The following CDK6 variants were observed in gnomAD, a reference collection of about 807,000 sequenced individuals.
CDK6 encodes the protein cyclin dependent kinase 6, also known as cyclin-dependent kinase 6.
In CDK6, 6 loss-of-function variants were observed where a neutral mutation model predicts 37.1. The ratio of observed to expected loss-of-function variants is 0.16; its 90% CI spans 0.09 to 0.32. The LOEUF (loss-of-function observed/expected upper bound fraction) is 0.32, where lower values mean the gene tolerates loss of function less well. CDK6 is among the 10% of genes least tolerant of loss of function. The pLI is 1.00. For missense variants in CDK6, 224 were observed against 418.9 expected, an observed-to-expected ratio of 0.53 and a Z score of 4.06; for synonymous variants, 160 against 161.3, an observed-to-expected ratio of 0.99 and a Z score of 0.06.
intron 3 of CDK6, among the ~76,000 whole-genome samples, chr7:92,762,243 G>A (rs1799473899): frequency 6.6e-6 from 1 of 151,924 alleles, no homozygotes; most frequent in South Asian, 2.1e-4. Flanking sequence ...CTTTCTTTTT[G>A]GTTTATTTAT....
intron 4 of CDK6, among the ~76,000 whole-genome samples, chr7:92,706,926 A>G (rs1028724613): frequency 2.0e-5 from 3 of 152,216 alleles, no homozygotes; most frequent in Non-Finnish European, 4.4e-5. Context: ...AACATTGTTT[A>G]AATAACTGAT....
intron 5 of CDK6, among the ~76,000 whole-genome samples, chr7:92,638,444 A>G (rs1171317706): frequency 6.6e-6 from 1 of 152,086 alleles, no homozygotes; most frequent in Non-Finnish European, 1.5e-5. Context: ...TTACCCACTC[A>G]TTTGGGAGTT....
At chr7:92,697,873 TA>T (rs1797756431) in intron 4 of CDK6, among the ~76,000 whole-genome samples, 1 of 152,240 alleles carries the variant, frequency 6.6e-6, no homozygotes, top group Non-Finnish European at 1.5e-5. Flanking sequence ...TTTCACATTT[TA>T]AATGGAATCT....
chr7:92,702,752 C>A (rs1276776017), intron 4 of CDK6, among the ~76,000 whole-genome samples: 1 of 152,132 alleles, frequency 6.6e-6, no homozygotes, highest in Non-Finnish European at 1.5e-5. Flanking sequence ...ACCTCTGAAT[C>A]CCAGGTAAGT....
chr7:92,744,036 A>AT (rs2115646612), intron 3 of CDK6, among the ~76,000 whole-genome samples: 1 of 152,222 alleles, frequency 6.6e-6, no homozygotes, highest in South Asian at 2.1e-4. Context: ...TAAAAAAAAA[A>AT]TTTATTGTCT....
At chr7:92,617,754 G>A (rs1795713121) in intron 7 of CDK6, among the ~76,000 whole-genome samples, 1 of 152,118 alleles carries the variant, frequency 6.6e-6, no homozygotes, top group South Asian at 2.1e-4. Flanking sequence ...TGTAAGAAAG[G>A]AAACATAATA....
chr7:92,794,896 G>GT (rs1800370243), intron 2 of CDK6, among the ~76,000 whole-genome samples: 1 of 152,028 alleles, frequency 6.6e-6, no homozygotes, highest in Non-Finnish European at 1.5e-5. Context: ...TGATAATAAA[G>GT]ATGTTGATTC....
At chr7:92,759,633 C>T (rs1298277523) in intron 3 of CDK6, among the ~76,000 whole-genome samples, 1 of 145,366 alleles carries the variant, frequency 6.9e-6, no homozygotes, top group African/African-American at 2.6e-5. Flanking sequence ...GTTATCCATA[C>T]TGGTCTATTT....
chr7:92,668,706 T>A (rs1389352645), intron 5 of CDK6, among the ~76,000 whole-genome samples: 1 of 152,168 alleles, frequency 6.6e-6, no homozygotes, highest in African/African-American at 2.4e-5. Context: ...CAATACTGAA[T>A]CAGGAGTCAA....
chr7:92,811,794 A>AC (rs1030657342), intron 2 of CDK6, among the ~76,000 whole-genome samples: 10 of 151,876 alleles, frequency 6.6e-5, no homozygotes, highest in Non-Finnish European at 1.2e-4. Flanking sequence ...TAACAAAACC[A>AC]CCCCCCTACA....
At chr7:92,756,475 G>A (rs897080762) in intron 3 of CDK6, among the ~76,000 whole-genome samples, 1 of 152,108 alleles carries the variant, frequency 6.6e-6, no homozygotes, top group East Asian at 1.9e-4. Context: ...GATGTGAATC[G>A]GCTTTACCCA....
intron 5 of CDK6, among the ~76,000 whole-genome samples, chr7:92,657,577 C>A (rs1796725090): frequency 6.6e-6 from 1 of 151,988 alleles, no homozygotes; most frequent in Non-Finnish European, 1.5e-5. Flanking sequence ...TTTTAACTGA[C>A]AAAATGAGGT....
At chr7:92,802,298 G>A (rs1360627064) in intron 2 of CDK6, among the ~76,000 whole-genome samples, 1 of 152,026 alleles carries the variant, frequency 6.6e-6, no homozygotes, top group African/African-American at 2.4e-5. Context: ...AAACTATCAA[G>A]TATTCTTCAA....
In CDK6 at chr7:92,605,723, T is replaced by C. The variant is rs1048407840; in HGVS notation, c.*9417A>G. ...TGTAATGGAGGGATGGTTGCTAGAGTGAGACAGCCCTTCCCCTCTTGCTAT... is the reference window on the plus strand; with the variant it reads ...TGTAATGGAGGGATGGTTGCTAGAGCGAGACAGCCCTTCCCCTCTTGCTAT... On this transcript the variant is annotated 3_prime_UTR_variant, in exon 8 of 8. Transcript: ENST00000424848. The C allele has an allele frequency of 1.7e-5, 4 of 233,062 alleles. No individual in the cohort carries two copies. Among genetic ancestry groups the C allele is most frequent in the Non-Finnish European group, 3.4e-5 (4 of 118,028 alleles). The allele number at this position is 233,062 out of a possible 1,614,324, so 14.4% of individuals were successfully genotyped here. A position where few individuals can be genotyped will look rare whatever the true frequency, so the allele number is the denominator to read the frequency against.
chr7:92,819,478 C>T (rs1470877746), intron 2 of CDK6, among the ~76,000 whole-genome samples: 1 of 151,798 alleles, frequency 6.6e-6, no homozygotes, highest in South Asian at 2.1e-4. Flanking sequence ...ATAAATTTGT[C>T]GAAACTCATA....
chr7:92,668,811 T>C (rs918706348), intron 5 of CDK6, among the ~76,000 whole-genome samples: 3 of 152,066 alleles, frequency 2.0e-5, no homozygotes, highest in Non-Finnish European at 4.4e-5. Flanking sequence ...TCATAGGAAA[T>C]ACCAAGGACA....
chr7:92,830,620 C>T (rs887358284), intron 2 of CDK6, among the ~76,000 whole-genome samples: 4 of 152,166 alleles, frequency 2.6e-5, no homozygotes, highest in Non-Finnish European at 5.9e-5. Flanking sequence ...AGCAAATATT[C>T]GCAGCCTCTA....
At chr7:92,638,465 C>G (rs1415778058) in intron 5 of CDK6, among the ~76,000 whole-genome samples, 1 of 152,148 alleles carries the variant, frequency 6.6e-6, no homozygotes, top group Non-Finnish European at 1.5e-5. Context: ...CTGCCAATGC[C>G]CAGATAGAAG....
intron 3 of CDK6, among the ~76,000 whole-genome samples, chr7:92,755,001 T>C (rs938092535): frequency 3.3e-5 from 5 of 152,102 alleles, no homozygotes; most frequent in African/African-American, 1.2e-4. Context: ...ACCACTCTTC[T>C]CTGCTCTCAG....
Sources: gnomAD v4.1 joint callset for allele counts (sites outside exome capture counted in the v4.1 genomes callset) on GRCh38, gnomAD v4.1.1 for gene constraint, MANE v1.5 for transcripts, NCBI Gene and HGNC (gene_info 2026-07-23, HGNC 2026-07-21) for gene names.